Variants in LINC00305 observed in about 807,000 individuals in gnomAD.
The protein encoded by LINC00305 is long independently transcribed non-coding RNA 305.
chr18:64,147,686 G>A (rs1017424212), intron 1 of LINC00305, among the ~76,000 whole-genome samples: 3 of 152,082 alleles, frequency 2.0e-5, no homozygotes, highest in South Asian at 2.1e-4. Flanking sequence ...AGTTGTTCTC[G>A]CCCTTTCTCC....
intron 1 of LINC00305, among the ~76,000 whole-genome samples, chr18:64,103,375 G>A (rs2051275605): frequency 6.6e-6 from 1 of 152,092 alleles, no homozygotes; most frequent in African/African-American, 2.4e-5. Context: ...GCAGCCTGAG[G>A]ATAGCATTTC....
intron 1 of LINC00305, among the ~76,000 whole-genome samples, chr18:64,144,843 G>C (rs1056134828): frequency 6.6e-6 from 1 of 152,190 alleles, no homozygotes; most frequent in East Asian, 1.9e-4. Context: ...ATGAATGGAC[G>C]TGTAGTCAGG....
At chr18:64,085,579 C>T (rs1278976619) in intron 3 of LINC00305, among the ~76,000 whole-genome samples, 3 of 152,168 alleles carry the variant, frequency 2.0e-5, no homozygotes, top group Non-Finnish European at 4.4e-5. Flanking sequence ...TCTCCTGCCC[C>T]AGCCTCCCAA....
intron 1 of LINC00305, among the ~76,000 whole-genome samples, chr18:64,145,177 C>T (rs112473837): frequency 0.033 from 5,070 of 152,208 alleles, 127 homozygotes; most frequent in Non-Finnish European, 0.052. Context: ...GGAAAGACTG[C>T]GTTTCTGTTT....
chr18:64,110,452 T>A (rs1426592473), intron 1 of LINC00305, among the ~76,000 whole-genome samples: 1 of 152,212 alleles, frequency 6.6e-6, no homozygotes, highest in African/African-American at 2.4e-5. Flanking sequence ...ACAATGTAAC[T>A]AGCTTACTGG....
At position 64,139,009 on chromosome 18, in the gene LINC00305, G is replaced by A. The variant is rs565207901; in HGVS notation, n.314+9766C>T. 2.6e-3 allele frequency among the ~76,000 whole-genome samples: 389 copies of A among 152,214 alleles called. 2 individuals are homozygous for A. The highest frequency in any genetic ancestry group is 8.8e-3 in the African/African-American group (367 of 41,536). On this transcript the variant is annotated intron_variant and non_coding_transcript_variant, in intron 1 of 3. Transcript: ENST00000666468. ...CTCCCCAGTAAAAACACCCAGAACCGCCACAGGCAACTCCTCATAATAGAA... is the reference window on the plus strand; with the variant it reads ...CTCCCCAGTAAAAACACCCAGAACCACCACAGGCAACTCCTCATAATAGAA...
At chr18:64,129,761 G>A (rs1319560166) in intron 1 of LINC00305, among the ~76,000 whole-genome samples, 1 of 152,084 alleles carries the variant, frequency 6.6e-6, no homozygotes, top group Non-Finnish European at 1.5e-5. Flanking sequence ...ATGGACAATT[G>A]CAATCTTTCC....
At chr18:64,121,001 T>C (rs1339852614) in intron 1 of LINC00305, among the ~76,000 whole-genome samples, 1 of 152,142 alleles carries the variant, frequency 6.6e-6, no homozygotes, top group East Asian at 1.9e-4. Flanking sequence ...TTTAAAATTT[T>C]TTTATTTTAC....
At chr18:64,146,979 T>G (rs1332896947) in intron 1 of LINC00305, among the ~76,000 whole-genome samples, 1 of 152,222 alleles carries the variant, frequency 6.6e-6, no homozygotes, top group African/African-American at 2.4e-5. Flanking sequence ...GTTTCTTTTT[T>G]TAACAGAATT....
rs778009127 is a variant in LINC00305 at position 64,085,044 on chromosome 18, G to A, written n.541-4642C>T. Among the ~76,000 whole-genome samples the A allele has an allele frequency of 1.0e-3, 158 of 152,258 alleles. 2 individuals are homozygous for A. The highest frequency in any genetic ancestry group is 1.2e-3 in the Non-Finnish European group (84 of 68,008). On this transcript the variant is annotated intron_variant and non_coding_transcript_variant, in intron 3 of 3. Transcript: ENST00000666468. Reference sequence around the variant, plus strand: ...GGAATATAAGTGACTAGTGCTCTACGAAAAAATTGTGGATGTGCATTCGAG... The same window carrying A: ...GGAATATAAGTGACTAGTGCTCTACAAAAAAATTGTGGATGTGCATTCGAG...
intron 1 of LINC00305, among the ~76,000 whole-genome samples, chr18:64,107,201 A>G (rs2051294900): frequency 6.6e-6 from 1 of 152,212 alleles, no homozygotes; most frequent in African/African-American, 2.4e-5. Flanking sequence ...TTCATTGCAA[A>G]TGGACCTGGA....
At chr18:64,136,600 A>C (rs1320679222) in intron 1 of LINC00305, among the ~76,000 whole-genome samples, 1 of 152,234 alleles carries the variant, frequency 6.6e-6, no homozygotes, top group Non-Finnish European at 1.5e-5. Context: ...TTACAAATCA[A>C]GGTGAGATTT....
rs1269845547 is a variant in LINC00305, at chr18:64,143,632, ACGTAT to A, written n.314+5138_314+5142del. ...TACATATGTACACATATGTATGTACACGTATTATGTATACATATGTATGTACACGT... is the reference window on the plus strand; with the variant it reads ...TACATATGTACACATATGTATGTACATATGTATACATATGTATGTACACGT... On this transcript the variant is annotated intron_variant and non_coding_transcript_variant, in intron 1 of 3. Transcript: ENST00000666468. Among the ~76,000 whole-genome samples, 28 of 104,464 alleles carry A rather than the reference ACGTAT, an allele frequency of 2.7e-4. 1 individual carries two copies. Among genetic ancestry groups the A allele is most frequent in the African/African-American group, 1.1e-3 (27 of 23,676 alleles). The allele number at this position is 104,464 out of a possible 152,430, so 68.5% of individuals were successfully genotyped here.
intron 1 of LINC00305, among the ~76,000 whole-genome samples, chr18:64,140,810 T>A (rs1163259434): frequency 6.6e-6 from 1 of 152,006 alleles, no homozygotes; most frequent in Admixed American, 6.6e-5. Context: ...TATAATCAAA[T>A]GGGCTTCATT....
At chr18:64,131,134 A>C (rs1337156631) in intron 1 of LINC00305, among the ~76,000 whole-genome samples, 1 of 152,178 alleles carries the variant, frequency 6.6e-6, no homozygotes, top group Non-Finnish European at 1.5e-5. Context: ...AAAATGTGAG[A>C]TCTTACAGGT....
intron 1 of LINC00305, among the ~76,000 whole-genome samples, chr18:64,127,980 C>T (rs1427071996): frequency 6.6e-6 from 1 of 152,044 alleles, no homozygotes; most frequent in Non-Finnish European, 1.5e-5. Flanking sequence ...ATGCTGAGCT[C>T]TCAAGGTAGA....
At chr18:64,126,975 G>C (rs992972925) in intron 1 of LINC00305, among the ~76,000 whole-genome samples, 7 of 151,994 alleles carry the variant, frequency 4.6e-5, no homozygotes, top group African/African-American at 1.7e-4. Flanking sequence ...TTTTATTTTA[G>C]ATTCGGAGGT....
In LINC00305 at chr18:64,087,564, T is replaced by C. The variant is rs149153793; in HGVS notation, n.541-7162A>G. Among the ~76,000 whole-genome samples the C allele has an allele frequency of 2.8e-3, 422 of 152,318 alleles. 1 individual carries two copies. Among genetic ancestry groups the C allele is most frequent in the African/African-American group, 9.5e-3 (393 of 41,572 alleles). On this transcript the variant is annotated intron_variant and non_coding_transcript_variant, in intron 3 of 3. Transcript: ENST00000666468. The stretch of plus-strand genomic sequence containing the variant: ...TTACTTAATCTTGCTTATAGTGATA[T>C]AACATTTTTGAAATATATTTTAAAA...
chr18:64,092,824 A>AGCT (rs2051230274), intron 3 of LINC00305, among the ~76,000 whole-genome samples: 1 of 152,190 alleles, frequency 6.6e-6, no homozygotes, highest in Admixed American at 6.5e-5. Flanking sequence ...AGAAATGAGA[A>AGCT]GCTGCTCAGA....
Sources: gnomAD v4.1 joint callset for allele counts (sites outside exome capture counted in the v4.1 genomes callset) on GRCh38, gnomAD v4.1.1 for gene constraint, MANE v1.5 for transcripts, NCBI Gene and HGNC (gene_info 2026-07-23, HGNC 2026-07-21) for gene names.